TNS3: variants seen among roughly 807,000 people sequenced by gnomAD.
TNS3 encodes tensin 3.
In TNS3, 45 loss-of-function variants were observed where a neutral mutation model predicts 140.9. The observed-to-expected ratio is 0.32, with a 90% CI of 0.25 to 0.41. The LOEUF (loss-of-function observed/expected upper bound fraction) is 0.41, where lower values mean the gene tolerates loss of function less well. TNS3 is among the 10% of genes least tolerant of loss of function. TNS3 has a pLI of 1.00. For missense variants in TNS3, 1,716 were observed against 1,906.7 expected (o/e 0.90, Z 1.86); for synonymous variants, 815 against 788.4 (o/e 1.03, Z -0.56).
At chr7:47,470,582 C>G (rs1405282499) in intron 4 of TNS3, 4 of 985,308 alleles carry the variant, frequency 4.1e-6, no homozygotes, top group Non-Finnish European at 4.8e-6. Flanking sequence ...CCAGCCCTGA[C>G]CTGGCCCACC....
At chr7:47,429,690 T>A (rs967155884) in intron 8 of TNS3, among the ~76,000 whole-genome samples, 4 of 152,182 alleles carry the variant, frequency 2.6e-5, no homozygotes, top group Non-Finnish European at 5.9e-5. Flanking sequence ...TGGCTGTTTT[T>A]AAAAATATTT....
At chr7:47,351,328 AGAG>A (rs1163616362) in intron 17 of TNS3, among the ~76,000 whole-genome samples, 1 of 152,218 alleles carries the variant, frequency 6.6e-6, no homozygotes, top group Admixed American at 6.5e-5. Flanking sequence ...CAATATGCTC[AGAG>A]GAGATGTGGA....
chr7:47,316,102 CTCT>C (rs1787387512), intron 20 of TNS3, among the ~76,000 whole-genome samples: 11 of 18,184 alleles, frequency 6.0e-4, no homozygotes, highest in African/African-American at 1.9e-3. Flanking sequence ...ATTTCTCTCT[CTCT>C]CTCTCTCTCT....
intron 17 of TNS3, among the ~76,000 whole-genome samples, chr7:47,356,293 G>A (rs889060198): frequency 2.0e-5 from 3 of 152,142 alleles, no homozygotes; most frequent in East Asian, 1.9e-4. Flanking sequence ...AACCTCCAGC[G>A]GTGAGACCTA....
chr7:47,339,582 T>C (rs1262072664), intron 20 of TNS3, among the ~76,000 whole-genome samples: 3 of 152,268 alleles, frequency 2.0e-5, no homozygotes, highest in Non-Finnish European at 4.4e-5. Context: ...ACAGTCTTGA[T>C]GACTGTAGCT....
intron 1 of TNS3, among the ~76,000 whole-genome samples, chr7:47,573,034 T>C (rs187768880): frequency 2.0e-5 from 3 of 152,150 alleles, no homozygotes; most frequent in Admixed American, 2.0e-4. Flanking sequence ...AAATCAAGGG[T>C]CACGTGTGGC....
chr7:47,560,545 T>G (rs1374025220), intron 1 of TNS3, among the ~76,000 whole-genome samples: 1 of 152,132 alleles, frequency 6.6e-6, no homozygotes, highest in African/African-American at 2.4e-5. Context: ...CTCCCCAGAC[T>G]CCCTTGTCCA....
chr7:47,575,748 G>A (rs1377095047), intron 1 of TNS3, among the ~76,000 whole-genome samples: 9 of 149,562 alleles, frequency 6.0e-5, no homozygotes, highest in Admixed American at 4.0e-4. Context: ...GCGTGAACCC[G>A]GGAGGCAGAT....
At chr7:47,352,105 TCA>T (rs1373219064) in intron 17 of TNS3, among the ~76,000 whole-genome samples, 7 of 102,206 alleles carry the variant, frequency 6.8e-5, no homozygotes, top group East Asian at 4.5e-4. Flanking sequence ...CCTGCATACT[TCA>T]CACTCTTAGT....
intron 1 of TNS3, among the ~76,000 whole-genome samples, chr7:47,552,912 A>C (rs1800100940): frequency 6.6e-6 from 1 of 152,248 alleles, no homozygotes; most frequent in Admixed American, 6.5e-5. Flanking sequence ...TCTTGAAGGA[A>C]ATTAAAAGTG....
chr7:47,373,939 G>A (rs894371119), intron 16 of TNS3, among the ~76,000 whole-genome samples: 9 of 152,152 alleles, frequency 5.9e-5, no homozygotes, highest in Non-Finnish European at 7.3e-5. Flanking sequence ...TAGAAGAGCC[G>A]TGCAGCGCTT....
chr7:47,358,723 T>C (rs1011378583), intron 17 of TNS3, among the ~76,000 whole-genome samples: 7 of 152,184 alleles, frequency 4.6e-5, no homozygotes, highest in Non-Finnish European at 8.8e-5. Context: ...GCAGTGGACA[T>C]GTGGCATGAT....
At chr7:47,346,081 G>T in intron 18 of TNS3, 106 bp downstream of exon 18, 1 of 1,414,738 alleles carries the variant, frequency 7.1e-7, no homozygotes, top group Non-Finnish European at 9.7e-7. Context: ...GATAATGTGG[G>T]CTGTATTCAG....
chr7:47,308,576 T>C lies in TNS3; in HGVS notation c.2651-3573A>G, dbSNP rs1786892637. 2.6e-5 allele frequency among the ~76,000 whole-genome samples: 4 copies of C among 152,246 alleles called. No individual in the cohort carries two copies. The South Asian group carries it at 8.3e-4, about 31-fold the overall frequency. ...GATGCTGGATATTTTTGTATTCTTA[T>C]AAATATTCTTGAACTTTATTCTGGG... On this transcript the variant is annotated intron_variant, in intron 20 of 30. Transcript: ENST00000311160.
intron 4 of TNS3, among the ~76,000 whole-genome samples, chr7:47,444,418 A>G (rs1479536623): frequency 6.6e-6 from 1 of 152,250 alleles, no homozygotes; most frequent in African/African-American, 2.4e-5. Context: ...ACATATAAAC[A>G]GCATTATATA....
At chr7:47,424,034 G>A in intron 10 of TNS3, 67 bp downstream of exon 10, 1 of 1,522,394 alleles carries the variant, frequency 6.6e-7, no homozygotes, top group East Asian at 2.3e-5. Flanking sequence ...TGCCTCTTCT[G>A]TTTTCACATT....
chr7:47,388,365 A>G (rs1792195337), intron 16 of TNS3, among the ~76,000 whole-genome samples: 1 of 152,216 alleles, frequency 6.6e-6, no homozygotes, highest in African/African-American at 2.4e-5. Flanking sequence ...CACCAACAGA[A>G]GAACAGTCAA....
At chr7:47,363,967 G>T (rs1195866749) in intron 17 of TNS3, among the ~76,000 whole-genome samples, 2 of 152,130 alleles carry the variant, frequency 1.3e-5, no homozygotes, top group Non-Finnish European at 2.9e-5. Context: ...AGACGGATAT[G>T]GATTGAGGGA....
rs369474794 is a variant in TNS3 at position 47,344,828 on chromosome 7, C to A, written c.2577G>T (p.Ala859=). 5.0e-6 allele frequency: 8 copies of A among 1,613,870 alleles called. No homozygotes were observed. The highest frequency in any genetic ancestry group is 2.2e-5 in the East Asian group (1 of 44,882). The change falls in exon 20 of 31, where the codon GCG becomes GCT. Residue 859 remains alanine (A), a synonymous_variant. Coordinates refer to ENST00000311160, the MANE Select transcript of TNS3 (RefSeq NM_022748.12). ...VSPETPYVKT[A]LRHPPFSPPE... is the part of the protein sequence containing the mutation. Reference sequence around the variant, plus strand: ...GTGGGCTGAACGGAGGATGGCGCAGCGCTGTTTTCACTGGAAAAGAAAGCA... The same window carrying A: ...GTGGGCTGAACGGAGGATGGCGCAGAGCTGTTTTCACTGGAAAAGAAAGCA...
Sources: allele counts gnomAD v4.1 joint callset (sites outside exome capture counted in the v4.1 genomes callset), GRCh38; gene constraint gnomAD v4.1.1; transcripts MANE v1.5; gene names NCBI Gene and HGNC (gene_info 2026-07-23, HGNC 2026-07-21).